Variants in B3GALT1 observed in about 807,000 individuals in gnomAD.
The protein encoded by B3GALT1 is UDP-Gal:betaGlcNAc beta 1,3-galactosyltransferase, polypeptide 1.
B3GALT1 carries 10 observed loss-of-function variants against 23.2 expected under a neutral mutation model. The ratio of observed to expected loss-of-function variants is 0.43; its 90% CI spans 0.27 to 0.73. B3GALT1 has a LOEUF of 0.73. B3GALT1 is among the 30% of genes least tolerant of loss of function. B3GALT1 has a pLI of 0.21. For synonymous variants in B3GALT1, 156 were observed against 141.5 expected (o/e 1.10, Z -0.73); for missense variants, 299 against 405.4 (o/e 0.74, Z 2.25).
At chr2:167,666,909 G>T (rs1008901912) in intron 3 of B3GALT1, among the ~76,000 whole-genome samples, 9 of 152,206 alleles carry the variant, frequency 5.9e-5, no homozygotes, top group East Asian at 1.9e-4. Flanking sequence ...TATCCAATTT[G>T]CCAGTCTGTG....
chr2:167,870,132 T>A lies in B3GALT1; in HGVS notation c.*112T>A. ...GAACTGGTGAAGGGGTTTTGTAAAG[T>A]TTTTGCTTCCTGCTATAAGTTCTTT... On this transcript the variant is annotated 3_prime_UTR_variant, in exon 5 of 5. Transcript: ENST00000392690. The A allele has an allele frequency of 8.4e-7, 1 of 1,184,976 alleles. No individual in the cohort carries two copies. The highest frequency in any genetic ancestry group is 1.9e-5 in the South Asian group (1 of 53,934). 73.4% of individuals were successfully genotyped at this position (1,184,976 alleles called of 1,614,324 possible).
At chr2:167,756,282 G>A (rs914421805) in intron 3 of B3GALT1, among the ~76,000 whole-genome samples, 5 of 152,190 alleles carry the variant, frequency 3.3e-5, no homozygotes, top group South Asian at 2.1e-4. Flanking sequence ...CCAATATGAA[G>A]GCAATGAGAC....
At chr2:167,482,163 C>A (rs995134338) in intron 1 of B3GALT1, among the ~76,000 whole-genome samples, 5 of 152,236 alleles carry the variant, frequency 3.3e-5, no homozygotes, top group Middle Eastern at 3.4e-3. Context: ...AGACATCTCT[C>A]CTCACAGTTC....
At chr2:167,640,908 A>C (rs1038732576) in intron 2 of B3GALT1, among the ~76,000 whole-genome samples, 1 of 152,136 alleles carries the variant, frequency 6.6e-6, no homozygotes, top group African/African-American at 2.4e-5. Flanking sequence ...TTGTTGACTT[A>C]ACATTTCATA....
At chr2:167,676,091 G>C (rs891112036) in intron 3 of B3GALT1, among the ~76,000 whole-genome samples, 1 of 151,796 alleles carries the variant, frequency 6.6e-6, no homozygotes, top group Non-Finnish European at 1.5e-5. Context: ...CGCCCCTCCC[G>C]ATGCAGGATG....
chr2:167,749,347 C>G (rs1485210800), intron 3 of B3GALT1, among the ~76,000 whole-genome samples: 1 of 152,192 alleles, frequency 6.6e-6, no homozygotes, highest in Non-Finnish European at 1.5e-5. Context: ...CTGTTTCTTT[C>G]ACTCAAAGTC....
chr2:167,612,529 C>T (rs1685085678), intron 2 of B3GALT1, among the ~76,000 whole-genome samples: 1 of 151,764 alleles, frequency 6.6e-6, no homozygotes, highest in Admixed American at 6.6e-5. Flanking sequence ...ATTGAGTAAA[C>T]TGAGCTGTAT....
intron 2 of B3GALT1, among the ~76,000 whole-genome samples, chr2:167,520,392 A>C (rs556537638): frequency 5.3e-5 from 8 of 152,294 alleles, no homozygotes; most frequent in Admixed American, 4.6e-4. Context: ...ATTTCCCATC[A>C]AAACTCTCCC....
At chr2:167,443,464 G>T (rs1434630599) in intron 1 of B3GALT1, among the ~76,000 whole-genome samples, 6 of 152,150 alleles carry the variant, frequency 3.9e-5, no homozygotes, top group African/African-American at 7.2e-5. Flanking sequence ...ATTACCTTGG[G>T]CAGTATGGCC....
At chr2:167,760,091 A>G (rs1185612831) in intron 3 of B3GALT1, among the ~76,000 whole-genome samples, 3 of 152,232 alleles carry the variant, frequency 2.0e-5, no homozygotes, top group African/African-American at 7.2e-5. Context: ...CAAGAAGGTC[A>G]TTAGAGAAGA....
intron 1 of B3GALT1, among the ~76,000 whole-genome samples, chr2:167,432,986 C>A (rs920212520): frequency 2.0e-5 from 3 of 152,192 alleles, no homozygotes; most frequent in Non-Finnish European, 4.4e-5. Context: ...ATTGTACATT[C>A]CAGGGGTTTG....
At chr2:167,773,151 TCTA>T (rs1351951033) in intron 3 of B3GALT1, among the ~76,000 whole-genome samples, 9 of 152,342 alleles carry the variant, frequency 5.9e-5, no homozygotes, top group Non-Finnish European at 1.2e-4. Flanking sequence ...AATTTATTAA[TCTA>T]CTTATAAATT....
chr2:167,866,220 A>G (rs1360963003), intron 4 of B3GALT1, among the ~76,000 whole-genome samples: 1 of 152,162 alleles, frequency 6.6e-6, no homozygotes, highest in Non-Finnish European at 1.5e-5. Context: ...AGTGAGATTC[A>G]CGTTACGGCT....
chr2:167,604,846 T>A (rs1684935788), intron 2 of B3GALT1, among the ~76,000 whole-genome samples: 1 of 152,200 alleles, frequency 6.6e-6, no homozygotes, highest in Admixed American at 6.5e-5. Context: ...AATATAAATC[T>A]GGGAAGATCA....
At chr2:167,531,153 T>C (rs1311309539) in intron 2 of B3GALT1, among the ~76,000 whole-genome samples, 3 of 152,180 alleles carry the variant, frequency 2.0e-5, no homozygotes, top group Non-Finnish European at 4.4e-5. Context: ...TTTAAAATAT[T>C]AATCCCAAGG....
At chr2:167,662,835 G>C (rs551957647) in intron 3 of B3GALT1, among the ~76,000 whole-genome samples, 17 of 152,022 alleles carry the variant, frequency 1.1e-4, no homozygotes, top group African/African-American at 4.1e-4. Context: ...TTTGTCTCAG[G>C]AATTTTGCAT....
At chr2:167,543,549 A>G (rs1211449940) in intron 2 of B3GALT1, among the ~76,000 whole-genome samples, 1 of 152,218 alleles carries the variant, frequency 6.6e-6, no homozygotes, top group African/African-American at 2.4e-5. Flanking sequence ...AAGTTAAATT[A>G]TTGTTTTGAG....
chr2:167,716,951 A>G (rs1335700519), intron 3 of B3GALT1, among the ~76,000 whole-genome samples: 1 of 152,120 alleles, frequency 6.6e-6, no homozygotes, highest in African/African-American at 2.4e-5. Flanking sequence ...CCTCTGTCAT[A>G]TTATGTCTCT....
At chr2:167,794,125 C>T (rs1259518955) in intron 3 of B3GALT1, among the ~76,000 whole-genome samples, 3 of 152,214 alleles carry the variant, frequency 2.0e-5, no homozygotes, top group African/African-American at 7.2e-5. Flanking sequence ...TCCTCTGAGC[C>T]GTTCTCACAT....
Sources: gnomAD v4.1 joint callset for allele counts (sites outside exome capture counted in the v4.1 genomes callset) on GRCh38, gnomAD v4.1.1 for gene constraint, MANE v1.5 for transcripts, NCBI Gene and HGNC (gene_info 2026-07-23, HGNC 2026-07-21) for gene names.